Variants in ZFP2 observed in about 807,000 individuals in gnomAD.
ZFP2 encodes zinc finger protein ZFP2.
A neutral mutation model predicts 36.1 loss-of-function variants in ZFP2; 33 were observed. The observed-to-expected ratio is 0.92, with a 90% CI of 0.69 to 1.22. The LOEUF (loss-of-function observed/expected upper bound fraction) is 1.22. Among genes scored for constraint, ZFP2 ranks in the 50% most tolerant of loss-of-function variants. ZFP2 has a pLI of 0.00. For missense variants in ZFP2, 522 were observed against 551.4 expected (o/e 0.95, Z 0.53); for synonymous variants, 170 against 178.0 (o/e 0.96, Z 0.36).
At chr5:178,915,322 C>CTTTTTTTTTTTTTTTTTTTT in intron 3 of ZFP2, among the ~76,000 whole-genome samples, 1 of 72,690 alleles carries the variant, frequency 1.4e-5, no homozygotes, top group Non-Finnish European at 2.5e-5. Flanking sequence ...GTTTTTCTTT[C>CTTTTTTTTTTTTTTTTTTTT]TTTTTTTTTT....
At chr5:178,909,233 C>T (rs189478415) in intron 1 of ZFP2, among the ~76,000 whole-genome samples, 1 of 152,134 alleles carries the variant, frequency 6.6e-6, no homozygotes, top group Non-Finnish European at 1.5e-5. Flanking sequence ...CTTGCTGGCT[C>T]CTTGCTTCTA....
At chr5:178,914,514 G>A (rs1364546945) in intron 3 of ZFP2, among the ~76,000 whole-genome samples, 1 of 152,056 alleles carries the variant, frequency 6.6e-6, no homozygotes, top group African/African-American at 2.4e-5. Flanking sequence ...ATTGATATTT[G>A]TATTCTTATG....
At chr5:178,897,507 G>A (rs961731005) in intron 1 of ZFP2, among the ~76,000 whole-genome samples, 24 of 152,228 alleles carry the variant, frequency 1.6e-4, no homozygotes, top group Admixed American at 1.4e-3. Flanking sequence ...TTACAAAAAT[G>A]TTTGTAGTTT....
At chr5:178,930,307 C>CCTTT (rs370076131) in intron 4 of ZFP2, among the ~76,000 whole-genome samples, 3,095 of 133,392 alleles carry the variant, frequency 0.023, 100 homozygotes, top group Non-Finnish European at 0.038. Flanking sequence ...CTTTTTTTTT[C>CCTTT]CCTTTCCTTT....
intron 1 of ZFP2, among the ~76,000 whole-genome samples, chr5:178,908,426 G>T (rs1158082055): frequency 6.7e-6 from 1 of 148,880 alleles, no homozygotes; most frequent in Non-Finnish European, 1.5e-5. Flanking sequence ...CAGCCTGGGT[G>T]ACAGAGGAAG....
intron 4 of ZFP2, among the ~76,000 whole-genome samples, chr5:178,917,661 A>G (rs1471314465): frequency 6.6e-6 from 1 of 152,184 alleles, no homozygotes; most frequent in African/African-American, 2.4e-5. Flanking sequence ...CTACTTCTGC[A>G]TATATGTATG....
chr5:178,931,320 A>C lies in ZFP2; in HGVS notation c.7A>C (p.Arg3=), dbSNP rs1465129386. The change falls in exon 5 of 5, where the codon AGG becomes CGG. Residue 3 remains arginine, a synonymous_variant. Coordinates refer to ENST00000361362, the MANE Select transcript of ZFP2 (RefSeq NM_030613.4). ...TTTATGCCATGGGGTAACAATGGAAAGGGAAGGTATCTGGCATTCTACTCT... is the reference window on the plus strand; with the variant it reads ...TTTATGCCATGGGGTAACAATGGAACGGGAAGGTATCTGGCATTCTACTCT... ME[R]EGIWHSTLGE... 6.3e-7 allele frequency: 1 copy of C among 1,590,522 alleles called. No individual in the cohort carries two copies.
At chr5:178,910,766 C>T (rs925659637) in intron 1 of ZFP2, among the ~76,000 whole-genome samples, 13 of 152,268 alleles carry the variant, frequency 8.5e-5, no homozygotes, top group Middle Eastern at 3.4e-3. Flanking sequence ...GGCAGCATGG[C>T]GGGTCCAACC....
chr5:178,900,251 A>C (rs554392959), intron 1 of ZFP2, among the ~76,000 whole-genome samples: 5 of 152,246 alleles, frequency 3.3e-5, no homozygotes, highest in Admixed American at 6.5e-5. Flanking sequence ...TTATGCACCA[A>C]CATAGCCACC....
rs775445977 is a variant in ZFP2, at chr5:178,932,424, G to A, written c.1111G>A (p.Val371Met). Residue 371 changes from valine (V) to methionine (M), a missense_variant, in exon 5 of 5, where the codon GTG (valine) becomes ATG (methionine). Coordinates refer to ENST00000361362, the MANE Select transcript of ZFP2 (RefSeq NM_030613.4). The part of the protein sequence containing the change: ...KHFTGRSSLT[V>M]HQVIHTGEKP... ...TTTCACTGGACGATCATCCCTTACC[G>A]TGCATCAGGTCATTCACACTGGAGA... 1.6e-5 allele frequency: 26 copies of A among 1,613,826 alleles called. No individual in the cohort carries two copies. The highest frequency in any genetic ancestry group is 3.3e-5 in the Admixed American group (2 of 59,994).
rs1273085365 is a variant in ZFP2, at chr5:178,916,609, C to G, written c.-179C>G. 4.1e-6 allele frequency: 4 copies of G among 980,156 alleles called. No homozygotes were observed. The African/African-American group carries it at 7.2e-5, about 18-fold the overall frequency. The allele number at this position is 980,156 out of a possible 1,614,324, so 60.7% of individuals were successfully genotyped here. ...TCAGATTAATCTGACATTTAGTCCT[C>G]TCATTATCCTGTCCCAGTCAAGGGG... On this transcript the variant is annotated 5_prime_UTR_variant, in exon 4 of 5. Coordinates refer to ENST00000361362, the MANE Select transcript of ZFP2 (RefSeq NM_030613.4).
chr5:178,899,504 G>A lies in ZFP2; in HGVS notation c.-450+3530G>A, dbSNP rs569745244. ...GGACTGAAGGGGGCAGTGACTGATA[G>A]TGAGAAATGCTCTGCTGGAGTAGAA... On this transcript the variant is annotated intron_variant, in intron 1 of 4. Transcript: ENST00000361362. Among the ~76,000 whole-genome samples the A allele has an allele frequency of 2.3e-4, 35 of 152,046 alleles. No individual in the cohort carries two copies. The South Asian group carries it at 5.4e-3, about 23-fold the overall frequency.
Position 178,912,676 on chromosome 5 carries a change from TG to T in ZFP2, c.-353del. The T allele has an allele frequency of 9.4e-7, 1 of 1,063,506 alleles. No homozygotes were observed. The highest frequency in any genetic ancestry group is 1.2e-6 in the Non-Finnish European group (1 of 863,482). The allele number at this position is 1,063,506 out of a possible 1,614,324, so 65.9% of individuals were successfully genotyped here. A position where few individuals can be genotyped will look rare whatever the true frequency, so the allele number is the denominator to read the frequency against. On this transcript the variant is annotated 5_prime_UTR_variant, in exon 2 of 5. The change creates a premature stop within an existing upstream ORF in the 5' untranslated region. Transcript: ENST00000361362. The stretch of plus-strand genomic sequence containing the variant: ...ATTCTGCTCAGAGGATGACCGTGTA[TG>T]GGGAGGTGATGCTGGAGAACTACAG...
At chr5:178,909,372 T>G (rs1199329210) in intron 1 of ZFP2, among the ~76,000 whole-genome samples, 3 of 152,230 alleles carry the variant, frequency 2.0e-5, no homozygotes, top group Admixed American at 6.5e-5. Context: ...AGATCATTGC[T>G]TGATAAATGG....
At chr5:178,915,322 CTTT>C (rs769089977) in intron 3 of ZFP2, among the ~76,000 whole-genome samples, 5 of 72,688 alleles carry the variant, frequency 6.9e-5, no homozygotes, top group African/African-American at 2.2e-4. Flanking sequence ...GTTTTTCTTT[CTTT>C]TTTTTTTTTT....
At chr5:178,910,505 G>T in intron 1 of ZFP2, 1 of 613,106 alleles carries the variant, frequency 1.6e-6, no homozygotes. Context: ...ACAGTGGCCT[G>T]CACCCTGCCT....
At chr5:178,909,305 C>T (rs1322642107) in intron 1 of ZFP2, among the ~76,000 whole-genome samples, 1 of 152,228 alleles carries the variant, frequency 6.6e-6, no homozygotes, top group Non-Finnish European at 1.5e-5. Context: ...CCCATTATCT[C>T]AAGCAGCAGA....
At position 178,927,667 on chromosome 5, in the gene ZFP2, G is replaced by A. The variant is rs1215900942; in HGVS notation, c.-77-3570G>A. On this transcript the variant is annotated intron_variant, in intron 4 of 4. Coordinates refer to ENST00000361362, the MANE Select transcript of ZFP2 (RefSeq NM_030613.4). ...GCACACCATCATACCTGGCCAATGT[G>A]TGTGTGTGTGTGTGTGTGTGTGTGT... 2.9e-3 allele frequency among the ~76,000 whole-genome samples: 152 copies of A among 53,092 alleles called. 7 individuals carry two copies. In the East Asian group the frequency reaches 0.088, roughly 31 times the overall value. The allele number at this position is 53,092 out of a possible 152,430, so 34.8% of individuals were successfully genotyped here. A position where few individuals can be genotyped will look rare whatever the true frequency, so the allele number is the denominator to read the frequency against.
At chr5:178,930,771 A>G (rs1758811239) in intron 4 of ZFP2, among the ~76,000 whole-genome samples, 1 of 152,196 alleles carries the variant, frequency 6.6e-6, no homozygotes, top group Non-Finnish European at 1.5e-5. Context: ...ACACTGTGAC[A>G]TTTTAGGAAG....
Sources: gnomAD v4.1 joint callset for allele counts (sites outside exome capture counted in the v4.1 genomes callset) on GRCh38, gnomAD v4.1.1 for gene constraint, MANE v1.5 for transcripts, NCBI Gene and HGNC (gene_info 2026-07-23, HGNC 2026-07-21) for gene names.